Variants in NDUFS7 observed in about 807,000 individuals in gnomAD.
NDUFS7 encodes the protein NADH:ubiquinone oxidoreductase core subunit S7.
In NDUFS7, 11 loss-of-function variants were observed where a neutral mutation model predicts 31.1. That is an observed-to-expected ratio of 0.35 (90% CI 0.22 to 0.59). The LOEUF (loss-of-function observed/expected upper bound fraction) is 0.59, where lower values mean the gene tolerates loss of function less well. Among genes scored for constraint, NDUFS7 ranks in the 20% least tolerant of loss-of-function variants. NDUFS7 has a pLI of 0.79. For synonymous variants in NDUFS7, 136 were observed against 127.9 expected, an observed-to-expected ratio of 1.06 and a Z score of -0.43; for missense variants, 263 against 324.2, an observed-to-expected ratio of 0.81 and a Z score of 1.45.
At chr19:1,390,534 C>A in intron 4 of NDUFS7, 1 of 466,306 alleles carries the variant, frequency 2.1e-6, no homozygotes, top group Non-Finnish European at 3.9e-6. Flanking sequence ...CCCGGTTAGA[C>A]CTGCGCTACT....
intron 6 of NDUFS7, 39 bp downstream of exon 6, chr19:1,391,204 C>T (rs372960455): frequency 5.0e-6 from 8 of 1,603,346 alleles, no homozygotes; most frequent in Middle Eastern, 1.9e-4. Flanking sequence ...ACAGACGTAG[C>T]GTGAGTGCTG....
At chr19:1,394,345 CT>C (rs2082577716) in intron 7 of NDUFS7, 3 of 1,287,844 alleles carry the variant, frequency 2.3e-6, no homozygotes, top group Non-Finnish European at 3.0e-6. Context: ...GCCCATGCCC[CT>C]GGCGTCTTCC....
intron 6 of NDUFS7, chr19:1,392,913 G>C: frequency 2.4e-6 from 1 of 411,088 alleles, no homozygotes; most frequent in East Asian, 5.3e-5. Context: ...GACAGGGGCT[G>C]GGTGTTGGCA....
intron 7 of NDUFS7, chr19:1,394,878 G>C (rs1408589837): frequency 2.7e-6 from 3 of 1,122,632 alleles, no homozygotes; most frequent in South Asian, 2.1e-5. Flanking sequence ...CTGAACCTGC[G>C]TGGCAGCCGG....
chr19:1,384,742 T>C (rs773864409), intron 1 of NDUFS7, among the ~76,000 whole-genome samples: 1 of 152,206 alleles, frequency 6.6e-6, no homozygotes, highest in Non-Finnish European at 1.5e-5. Flanking sequence ...CTAGGAAACA[T>C]CTGTGATTCC....
At position 1,383,920 on chromosome 19, in the gene NDUFS7, G is replaced by A. The variant is rs1035473346; in HGVS notation, c.-7G>A. 2 of 1,581,084 alleles carry A rather than the reference G, an allele frequency of 1.3e-6. No individual in the cohort carries two copies. The highest frequency in any genetic ancestry group is 2.7e-5 in the African/African-American group (2 of 74,162). On this transcript the variant is annotated 5_prime_UTR_variant, in exon 1 of 8. Transcript: ENST00000233627. ...ACCTCAGAGGTTGTCTGAAGGCCGA[G>A]GCCAAGATGGCGGTGCTGTCAGGTG...
At position 1,393,218 on chromosome 19, in the gene NDUFS7, C is replaced by G. The variant is rs375331125; in HGVS notation, c.456-24C>G. The G allele has an allele frequency of 2.0e-5, 31 of 1,544,020 alleles. No homozygotes were observed. The African/African-American group carries it at 2.6e-4, about 13-fold the overall frequency. ...TGGGCAGGCGGGTCTTCGGCACACT[C>G]CCCTCACGGTGCCTCCCCAACAGCT... On this transcript the variant is annotated intron_variant, in intron 6 of 7. Transcript: ENST00000233627. This position sits in a 1 kb window ranked among gnomAD's most constrained non-coding sequence, Gnocchi z 7.3.
At chr19:1,384,021 G>C in intron 1 of NDUFS7, 79 bp downstream of exon 1, 1 of 1,467,612 alleles carries the variant, frequency 6.8e-7, no homozygotes. Flanking sequence ...GGTGGCGTCG[G>C]GGGTCGGTGC....
rs371108813 is a variant in NDUFS7 at position 1,387,867 on chromosome 19, G to C, written c.53+20G>C. On this transcript the variant is annotated intron_variant, in intron 2 of 7. Coordinates refer to ENST00000233627, the MANE Select transcript of NDUFS7 (RefSeq NM_024407.5). ...TCTGCGGTGAGTGCCTGAGTCTCCA[G>C]CCCTCAGCTGGGAGGGGCCTTCAGC... 5.9e-5 allele frequency: 92 copies of C among 1,550,474 alleles called. No homozygotes were observed. Among genetic ancestry groups the C allele is most frequent in the Non-Finnish European group, 7.7e-5 (88 of 1,146,412 alleles).
intron 1 of NDUFS7, among the ~76,000 whole-genome samples, chr19:1,385,232 G>C (rs62127621): frequency 0.13 from 19,547 of 152,266 alleles, 1,300 homozygotes; most frequent in Non-Finnish European, 0.15. Context: ...AAGAATGCCT[G>C]GCCCACGCGC....
rs1251845544 is a variant in NDUFS7, at chr19:1,395,386, T to C, written c.545-5T>C. ...GGAAGCGAGACTGAGGCAAGGTCCC[T>C]GCAGGCTGCCCACCTACGGCCGAGG... On this transcript the variant is annotated splice_region_variant and splice_polypyrimidine_tract_variant and intron_variant, in intron 7 of 7. Coordinates refer to ENST00000233627, the MANE Select transcript of NDUFS7 (RefSeq NM_024407.5). 5 of 1,598,594 alleles carry C rather than the reference T, an allele frequency of 3.1e-6. No individual in the cohort carries two copies. The highest frequency in any genetic ancestry group is 4.3e-6 in the Non-Finnish European group (5 of 1,174,484).
In NDUFS7 at chr19:1,390,978, C is replaced by T. The variant is rs1012261519; in HGVS notation, c.336C>T (p.Ala112=). The T allele has an allele frequency of 2.5e-6, 4 of 1,612,756 alleles. No individual in the cohort carries two copies. Among genetic ancestry groups the T allele is most frequent in the South Asian group, 2.2e-5 (2 of 91,052 alleles). Residue 112 remains alanine, a synonymous_variant, in exon 5 of 8, where the codon GCC becomes GCT. Transcript: ENST00000233627. Reference sequence around the variant, plus strand: ...ACCGCTTTGGCGTGGTCTTCCGCGCCAGCCCGCGCCAGTCCGACGTCATGA... The same window carrying T: ...ACCGCTTTGGCGTGGTCTTCCGCGCTAGCCCGCGCCAGTCCGACGTCATGA... ...DMDRFGVVFR[A]SPRQSDVMIV...
intron 4 of NDUFS7, chr19:1,389,754 G>A (rs528975128): frequency 8.7e-6 from 3 of 343,484 alleles, no homozygotes; most frequent in Non-Finnish European, 1.7e-5. Flanking sequence ...GCGACAGCCC[G>A]GGTTCAACAA....
intron 1 of NDUFS7, among the ~76,000 whole-genome samples, chr19:1,385,909 G>A (rs2082504611): frequency 1.3e-5 from 2 of 152,204 alleles, no homozygotes; most frequent in Admixed American, 1.3e-4. Flanking sequence ...TCCTCTGCTA[G>A]GAGCTCATCC....
chr19:1,390,981 CCCGCGCCAGT>C lies in NDUFS7; in HGVS notation c.343_352del (p.Arg115ThrfsTer3). 1.9e-6 allele frequency: 3 copies of C among 1,612,922 alleles called. No individual in the cohort carries two copies. Among genetic ancestry groups the C allele is most frequent in the Non-Finnish European group, 2.5e-6 (3 of 1,179,822 alleles). ...GCTTTGGCGTGGTCTTCCGCGCCAGCCCGCGCCAGTCCGACGTCATGATCGTGGCCGGCAC... is the reference window on the plus strand; with the variant it reads ...GCTTTGGCGTGGTCTTCCGCGCCAGCCCGACGTCATGATCGTGGCCGGCAC... On this transcript the variant is annotated frameshift_variant, in exon 5 of 8. Coordinates refer to ENST00000233627, the MANE Select transcript of NDUFS7 (RefSeq NM_024407.5). LOFTEE classifies it high-confidence loss of function.
rs1239965579 is a variant in NDUFS7 at position 1,387,920 on chromosome 19, TG to T, written c.53+79del. On this transcript the variant is annotated intron_variant, in intron 2 of 7. Coordinates refer to ENST00000233627, the MANE Select transcript of NDUFS7 (RefSeq NM_024407.5). Reference sequence around the variant, plus strand: ...CGACAGACGAACGGGGCGGGGGGGGTGGGGGGTGGGGGGAGCGCCTTGTTGA... The same window carrying T: ...CGACAGACGAACGGGGCGGGGGGGGTGGGGGTGGGGGGAGCGCCTTGTTGA... The T allele has an allele frequency of 4.1e-4, 49 of 119,702 alleles. 2 individuals are homozygous for T. The highest frequency in any genetic ancestry group is 6.7e-4 in the Non-Finnish European group (44 of 65,724). The allele number at this position is 119,702 out of a possible 1,614,324, so 7.4% of individuals were successfully genotyped here.
intron 7 of NDUFS7, chr19:1,394,623 C>T (rs1368149686): frequency 2.1e-5 from 26 of 1,217,662 alleles, no homozygotes; most frequent in South Asian, 1.4e-4. Context: ...TCCCTCCCAG[C>T]GGACCGCGCT....
chr19:1,386,006 G>T (rs1239695844), intron 1 of NDUFS7, among the ~76,000 whole-genome samples: 1 of 152,226 alleles, frequency 6.6e-6, no homozygotes, highest in Admixed American at 6.5e-5. Context: ...TAGCCTGTCT[G>T]CTGTGCCCAG....
chr19:1,383,978 C>T (rs751993626), intron 1 of NDUFS7, 36 bp downstream of exon 1: 5 of 1,552,536 alleles, frequency 3.2e-6, no homozygotes, highest in Admixed American at 3.9e-5. Flanking sequence ...TGGGGCCGCG[C>T]GGGTCTGGGG....
Sources: allele counts gnomAD v4.1 joint callset (sites outside exome capture counted in the v4.1 genomes callset), GRCh38; gene constraint gnomAD v4.1.1; non-coding constraint Gnocchi (gnomAD v3.1); transcripts MANE v1.5; gene names NCBI Gene and HGNC (gene_info 2026-07-23, HGNC 2026-07-21).